Variants in FRY observed in about 807,000 individuals in gnomAD.
The protein encoded by FRY is protein furry homolog.
A neutral mutation model predicts 348.4 loss-of-function variants in FRY; 128 were observed. The observed-to-expected ratio is 0.37, with a 90% CI of 0.32 to 0.43. The LOEUF is 0.43. Among genes scored for constraint, FRY ranks in the 20% least tolerant of loss-of-function variants. The pLI is 1.00. For synonymous variants in FRY, 1,370 were observed against 1,374.7 expected, an observed-to-expected ratio of 1.00 and a Z score of 0.08; for missense variants, 2,736 against 3,695.2, an observed-to-expected ratio of 0.74 and a Z score of 6.73.
intron 3 of FRY, among the ~76,000 whole-genome samples, chr13:32,115,456 C>T (rs187863533): frequency 1.3e-5 from 2 of 152,140 alleles, no homozygotes; most frequent in Non-Finnish European, 2.9e-5. Context: ...TTCAGCCTCC[C>T]CATACACAAT....
chr13:32,100,371 A>T (rs465549), intron 2 of FRY, among the ~76,000 whole-genome samples: 65 of 151,878 alleles, frequency 4.3e-4, no homozygotes, highest in South Asian at 6.2e-4. Flanking sequence ...GAGCCAATGC[A>T]CCTGGCCGTG....
chr13:32,271,771 T>A (rs1888216431), intron 55 of FRY, among the ~76,000 whole-genome samples: 1 of 152,200 alleles, frequency 6.6e-6, no homozygotes, highest in Non-Finnish European at 1.5e-5. Flanking sequence ...CAGTTAACTC[T>A]CTAGGATCTT....
chr13:32,267,875 G>A (rs1033385111), intron 55 of FRY, among the ~76,000 whole-genome samples: 12 of 152,184 alleles, frequency 7.9e-5, no homozygotes, highest in African/African-American at 2.9e-4. Context: ...TGCAGATTTC[G>A]TTTTATGAAA....
chr13:32,047,744 T>G (rs1338900738), intron 1 of FRY, among the ~76,000 whole-genome samples: 1 of 148,442 alleles, frequency 6.7e-6, no homozygotes, highest in African/African-American at 2.5e-5. Flanking sequence ...CTAGTTTTTT[T>G]GTATTTTTAG....
intron 51 of FRY, among the ~76,000 whole-genome samples, chr13:32,258,969 A>G (rs1393389916): frequency 1.3e-5 from 2 of 152,324 alleles, no homozygotes; most frequent in East Asian, 1.9e-4. Flanking sequence ...CAATATGAAA[A>G]AAAGTGTCAA....
chr13:32,226,528 T>A (rs934884657), intron 39 of FRY, among the ~76,000 whole-genome samples: 3 of 152,312 alleles, frequency 2.0e-5, no homozygotes, highest in Admixed American at 2.0e-4. Flanking sequence ...GACAAAGAAA[T>A]TACTCTGCCA....
chr13:32,200,210 T>G (rs1376332641), intron 29 of FRY, among the ~76,000 whole-genome samples: 5 of 152,236 alleles, frequency 3.3e-5, no homozygotes, highest in African/African-American at 9.6e-5. Context: ...CAATGGGGAT[T>G]AAATTTCAGC....
intron 27 of FRY, 49 bp from the exon 28 acceptor site, chr13:32,187,497 A>T: frequency 9.4e-7 from 1 of 1,062,602 alleles, no homozygotes; most frequent in South Asian, 1.2e-5. Context: ...GGATACCATT[A>T]GATCATTCCA....
chr13:32,211,510 A>T (rs1884685052), intron 34 of FRY, among the ~76,000 whole-genome samples: 1 of 152,178 alleles, frequency 6.6e-6, no homozygotes, highest in Admixed American at 6.5e-5. Context: ...TAATGAAATG[A>T]TCTTGTAAAG....
intron 7 of FRY, among the ~76,000 whole-genome samples, chr13:32,127,723 G>A (rs567286802): frequency 2.6e-5 from 4 of 152,142 alleles, no homozygotes; most frequent in Admixed American, 1.3e-4. Flanking sequence ...AGGTTGTAGT[G>A]AGCCGAGATC....
At chr13:32,141,745 C>A (rs74044436) in intron 11 of FRY, among the ~76,000 whole-genome samples, 4,747 of 152,244 alleles carry the variant, frequency 0.031, 272 homozygotes, top group African/African-American at 0.11. Context: ...CCCACTTGTT[C>A]CCATTAACTC....
chr13:32,278,376 T>C (rs1888642581), intron 57 of FRY, 89 bp from the exon 58 acceptor site: 1 of 789,082 alleles, frequency 1.3e-6, no homozygotes, highest in Non-Finnish European at 2.3e-6. Context: ...TATTAGAACT[T>C]TAATGAATTT....
intron 17 of FRY, among the ~76,000 whole-genome samples, chr13:32,167,857 G>C (rs1881831003): frequency 6.6e-6 from 1 of 152,190 alleles, no homozygotes. Context: ...ATAAACTAGT[G>C]TTTTCAAACC....
At chr13:32,221,047 G>A (rs910404293) in intron 36 of FRY, among the ~76,000 whole-genome samples, 1 of 152,180 alleles carries the variant, frequency 6.6e-6, no homozygotes, top group Non-Finnish European at 1.5e-5. Flanking sequence ...CAGTGTATTA[G>A]AAAAAGCCAG....
At chr13:32,187,283 A>T (rs970359224) in intron 27 of FRY, among the ~76,000 whole-genome samples, 1 of 152,202 alleles carries the variant, frequency 6.6e-6, no homozygotes, top group Non-Finnish European at 1.5e-5. Context: ...TACTCTGATC[A>T]TAAAGAGTTG....
At position 32,239,649 on chromosome 13, in the gene FRY, G is replaced by T. The variant is rs1886397299; in HGVS notation, c.6517-62G>T. The T allele has an allele frequency of 1.7e-6, 2 of 1,186,342 alleles. No individual in the cohort carries two copies. Among genetic ancestry groups the T allele is most frequent in the Middle Eastern group, 2.1e-4 (1 of 4,828 alleles). The allele number at this position is 1,186,342 out of a possible 1,614,324, so 73.5% of individuals were successfully genotyped here. On this transcript the variant is annotated intron_variant, in intron 45 of 60. Coordinates refer to ENST00000542859, the MANE Select transcript of FRY (RefSeq NM_023037.3). The surrounding 1 kb of genome is among the most constrained non-coding windows in gnomAD (Gnocchi z 4.3). Reference sequence around the variant, plus strand: ...GATGGCCAGAGCTTATAGTAAAATTGCTAACATTTCTTCCTATTCATTGGG... The same window carrying T: ...GATGGCCAGAGCTTATAGTAAAATTTCTAACATTTCTTCCTATTCATTGGG...
rs140191791 is a variant in FRY, at chr13:32,246,097, G to A, written c.6829-1226G>A. 3.1e-3 allele frequency among the ~76,000 whole-genome samples: 466 copies of A among 152,288 alleles called. 3 individuals are homozygous for A. Among genetic ancestry groups the A allele is most frequent in the Admixed American group, 5.7e-3 (87 of 15,292 alleles). On this transcript the variant is annotated intron_variant, in intron 47 of 60. Coordinates refer to ENST00000542859, the MANE Select transcript of FRY (RefSeq NM_023037.3). Reference sequence around the variant, plus strand: ...AGGTGGTCAGTTGACACCTTTCTACGAATGTGTGCCCCATTTTGTTGTTTA... The same window carrying A: ...AGGTGGTCAGTTGACACCTTTCTACAAATGTGTGCCCCATTTTGTTGTTTA...
chr13:32,128,881 G>A (rs994431239), intron 7 of FRY, among the ~76,000 whole-genome samples: 19 of 152,204 alleles, frequency 1.2e-4, no homozygotes, highest in Admixed American at 6.5e-5. Flanking sequence ...GGATTCAGTA[G>A]GTGTATTATT....
chr13:32,094,474 T>G (rs1247996009), intron 2 of FRY, among the ~76,000 whole-genome samples: 1 of 152,144 alleles, frequency 6.6e-6, no homozygotes, highest in Non-Finnish European at 1.5e-5. Flanking sequence ...CTAACTTTTT[T>G]TTTTACCCAT....
Sources: gnomAD v4.1 joint callset for allele counts (sites outside exome capture counted in the v4.1 genomes callset) on GRCh38, gnomAD v4.1.1 for gene constraint, Gnocchi (gnomAD v3.1) non-coding constraint, MANE v1.5 for transcripts, NCBI Gene and HGNC (gene_info 2026-07-23, HGNC 2026-07-21) for gene names.